Variants in SLC5A8 observed in about 807,000 individuals in gnomAD.
SLC5A8 encodes solute carrier family 5 member 8.
A neutral mutation model predicts 71.9 loss-of-function variants in SLC5A8; 55 were observed. The observed-to-expected ratio is 0.77, with a 90% confidence interval of 0.62 to 0.96. The LOEUF (loss-of-function observed/expected upper bound fraction) is 0.96. SLC5A8 is among the 40% of genes least tolerant of loss of function. The pLI, the probability that SLC5A8 is intolerant of heterozygous loss-of-function variation, is 0.00. For synonymous variants in SLC5A8, 307 were observed against 276.1 expected, an observed-to-expected ratio of 1.11 and a Z score of -1.11; for missense variants, 701 against 745.3, an observed-to-expected ratio of 0.94 and a Z score of 0.69.
At chr12:101,181,108 T>C (rs113325906) in intron 9 of SLC5A8, among the ~76,000 whole-genome samples, 1,665 of 152,332 alleles carry the variant, frequency 0.011, 18 homozygotes, top group South Asian at 0.029. Context: ...AATTTGTCCA[T>C]CATAAAATTT....
chr12:101,198,640 A>G (rs1167057393), intron 3 of SLC5A8, among the ~76,000 whole-genome samples: 2 of 151,944 alleles, frequency 1.3e-5, no homozygotes, highest in Non-Finnish European at 2.9e-5. Flanking sequence ...GAATCCATAA[A>G]CCAAAATCTT....
chr12:101,209,397 G>T, intron 1 of SLC5A8, 101 bp downstream of exon 1: 1 of 821,996 alleles, frequency 1.2e-6, no homozygotes, highest in Non-Finnish European at 1.9e-6. Flanking sequence ...GAGAGATTTC[G>T]ATGTGGCAGT....
intron 12 of SLC5A8, among the ~76,000 whole-genome samples, chr12:101,163,984 C>T (rs73391423): frequency 0.019 from 2,886 of 152,198 alleles, 104 homozygotes; most frequent in African/African-American, 0.065. Flanking sequence ...TACACTTCCT[C>T]AATGGAAATG....
intron 5 of SLC5A8, among the ~76,000 whole-genome samples, chr12:101,191,987 CCT>C (rs1868932761): frequency 1.3e-5 from 2 of 151,946 alleles, no homozygotes; most frequent in Admixed American, 1.3e-4. Context: ...GGTTCCATAC[CCT>C]CTCTCCTCAG....
intron 3 of SLC5A8, among the ~76,000 whole-genome samples, chr12:101,199,927 C>T (rs575191849): frequency 3.9e-4 from 57 of 144,458 alleles, no homozygotes; most frequent in Non-Finnish European, 5.6e-4. Context: ...TCACTATAGC[C>T]TAAAACTGGA....
chr12:101,188,442 A>G (rs770507392), intron 6 of SLC5A8, among the ~76,000 whole-genome samples: 2 of 152,154 alleles, frequency 1.3e-5, no homozygotes, highest in Non-Finnish European at 2.9e-5. Flanking sequence ...CCATCCCTGA[A>G]GTCATGCCTC....
intron 10 of SLC5A8, 112 bp from the exon 11 acceptor site, chr12:101,168,294 C>G: frequency 3.9e-6 from 4 of 1,018,104 alleles, no homozygotes; most frequent in Non-Finnish European, 5.7e-6. Flanking sequence ...TTCTGAAAAT[C>G]ATAGTTTCAG....
intron 13 of SLC5A8, 42 bp from the exon 14 acceptor site, chr12:101,158,370 C>T (rs1447573373): frequency 2.4e-6 from 3 of 1,253,718 alleles, no homozygotes; most frequent in Non-Finnish European, 3.4e-6. Flanking sequence ...TTAAAAAGGA[C>T]ACCAGTAACT....
chr12:101,209,475 T>TTC, intron 1 of SLC5A8, 23 bp downstream of exon 1: 34 of 1,444,656 alleles, frequency 2.4e-5, no homozygotes, highest in Middle Eastern at 1.8e-4. Flanking sequence ...CCCTGCATGG[T>TTC]CCCAGCCCAC....
At position 101,209,999 on chromosome 12, in the gene SLC5A8, C is replaced by A. The variant is rs138785272; in HGVS notation, c.-151G>T. On this transcript the variant is annotated 5_prime_UTR_variant, in exon 1 of 15. Transcript: ENST00000536262. ...CGTCCTCCAGGTGTCGGCCTCCGAA[C>A]GCACCCCGAGGCGGGGTGAGGGCTG... The A allele has an allele frequency of 5.3e-4, 342 of 648,156 alleles. No homozygotes were observed. In the East Asian group the frequency reaches 0.011, roughly 20 times the overall value. 40.2% of individuals were successfully genotyped at this position (648,156 alleles called of 1,614,324 possible).
At chr12:101,196,533 C>T (rs1331186939) in intron 3 of SLC5A8, among the ~76,000 whole-genome samples, 2 of 151,726 alleles carry the variant, frequency 1.3e-5, no homozygotes, top group African/African-American at 4.8e-5. Flanking sequence ...AAATATTCCA[C>T]ATAAATATAA....
intron 10 of SLC5A8, among the ~76,000 whole-genome samples, chr12:101,172,144 T>C (rs1284133017): frequency 6.6e-6 from 1 of 152,106 alleles, no homozygotes; most frequent in Admixed American, 6.5e-5. Flanking sequence ...CCATTCCAGA[T>C]GGCTGTCAGG....
chr12:101,198,594 T>C lies in SLC5A8; in HGVS notation c.470-3432A>G, dbSNP rs1869299209. ...ACCAAAACTGACCCAACAAGACTTTTAAAATATGAATAACTCTATATTTAC... is the reference window on the plus strand; with the variant it reads ...ACCAAAACTGACCCAACAAGACTTTCAAAATATGAATAACTCTATATTTAC... On this transcript the variant is annotated intron_variant, in intron 3 of 14. Coordinates refer to ENST00000536262, the MANE Select transcript of SLC5A8 (RefSeq NM_145913.5). Among the ~76,000 whole-genome samples the C allele has an allele frequency of 2.0e-5, 3 of 151,918 alleles. 1 individual carries two copies. The South Asian group carries it at 6.2e-4, about 31-fold the overall frequency.
chr12:101,158,598 C>CTCTCTCTCTA (rs1411795424), intron 13 of SLC5A8, among the ~76,000 whole-genome samples: 24 of 21,220 alleles, frequency 1.1e-3, no homozygotes, highest in East Asian at 2.2e-3. Flanking sequence ...CTCTCTCTCT[C>CTCTCTCTCTA]TATATATATA....
At chr12:101,164,425 G>A (rs1418166176) in intron 12 of SLC5A8, among the ~76,000 whole-genome samples, 1 of 152,130 alleles carries the variant, frequency 6.6e-6, no homozygotes, top group African/African-American at 2.4e-5. Flanking sequence ...ATCAAATATT[G>A]TAAACTTAAA....
chr12:101,195,015 T>C (rs867421944), intron 4 of SLC5A8, 80 bp downstream of exon 4: 29 of 1,375,956 alleles, frequency 2.1e-5, no homozygotes, highest in Middle Eastern at 3.5e-4. Flanking sequence ...ACAAACAAGA[T>C]TGCGGTATAC....
chr12:101,163,124 A>C (rs931214752), intron 12 of SLC5A8, among the ~76,000 whole-genome samples: 4 of 152,210 alleles, frequency 2.6e-5, no homozygotes, highest in Non-Finnish European at 5.9e-5. Flanking sequence ...AGTGATTACA[A>C]GATGAAAGAT....
chr12:101,195,032 T>C (rs1171998831), intron 4 of SLC5A8, 63 bp downstream of exon 4: 3 of 1,545,062 alleles, frequency 1.9e-6, no homozygotes, highest in Non-Finnish European at 2.7e-6. Flanking sequence ...ATACAACAAC[T>C]GGAATTTTCA....
At chr12:101,195,735 T>C (rs1869146480) in intron 3 of SLC5A8, among the ~76,000 whole-genome samples, 1 of 150,020 alleles carries the variant, frequency 6.7e-6, no homozygotes, top group South Asian at 2.1e-4. Flanking sequence ...TCTTGCTTTG[T>C]TACCAGGCTG....
Sources: allele counts gnomAD v4.1 joint callset (sites outside exome capture counted in the v4.1 genomes callset), GRCh38; gene constraint gnomAD v4.1.1; transcripts MANE v1.5; gene names NCBI Gene and HGNC (gene_info 2026-07-23, HGNC 2026-07-21).